Variants in TRPC6 observed in about 807,000 individuals in gnomAD.
The protein encoded by TRPC6 is transient receptor potential cation channel subfamily C member 6.
Under a neutral mutation model 90.7 loss-of-function variants are expected in TRPC6, and 55 were observed. That is an observed-to-expected ratio of 0.61 (90% CI 0.49 to 0.76). The LOEUF is 0.76. TRPC6 is among the 30% of genes least tolerant of loss of function. The pLI is 0.00. For missense variants in TRPC6, 989 were observed against 1,122.7 expected, an observed-to-expected ratio of 0.88 and a Z score of 1.70; for synonymous variants, 393 against 393.0, an observed-to-expected ratio of 1.00 and a Z score of 0.00.
intron 2 of TRPC6, among the ~76,000 whole-genome samples, chr11:101,502,144 A>T (rs570559564): frequency 6.6e-6 from 1 of 152,282 alleles, no homozygotes; most frequent in East Asian, 1.9e-4. Flanking sequence ...CAAACAGAAG[A>T]ATGTCCAGAT....
intron 1 of TRPC6, among the ~76,000 whole-genome samples, chr11:101,562,386 G>A (rs1230169435): frequency 6.6e-5 from 10 of 152,078 alleles, no homozygotes; most frequent in Non-Finnish European, 1.3e-4. Context: ...TCCTCAAAAA[G>A]CTTATGGCTT....
chr11:101,486,454 T>G (rs570196872), intron 4 of TRPC6, among the ~76,000 whole-genome samples: 17 of 152,304 alleles, frequency 1.1e-4, no homozygotes, highest in African/African-American at 3.8e-4. Context: ...TTTTAGGTAT[T>G]TATTGATGAC....
intron 1 of TRPC6, among the ~76,000 whole-genome samples, chr11:101,557,595 A>T (rs546250756): frequency 1.2e-3 from 178 of 149,082 alleles, no homozygotes; most frequent in African/African-American, 4.3e-3. Context: ...ATATAATTTT[A>T]CATACAGAAA....
chr11:101,484,933 G>A (rs1296912833), intron 4 of TRPC6, among the ~76,000 whole-genome samples: 1 of 151,816 alleles, frequency 6.6e-6, no homozygotes, highest in Non-Finnish European at 1.5e-5. Flanking sequence ...ATTAGATTAG[G>A]GTAATTAGCA....
intron 2 of TRPC6, among the ~76,000 whole-genome samples, chr11:101,492,414 T>C (rs1859849008): frequency 6.6e-6 from 1 of 151,998 alleles, no homozygotes; most frequent in Admixed American, 6.6e-5. Context: ...CAAAACCTTG[T>C]CTCTAAAAAA....
chr11:101,467,723 T>C (rs951035538), intron 10 of TRPC6, among the ~76,000 whole-genome samples: 1 of 152,310 alleles, frequency 6.6e-6, no homozygotes, highest in African/African-American at 2.4e-5. Flanking sequence ...GGGCCACATA[T>C]GGTCTCTCTC....
chr11:101,471,282 T>G lies in TRPC6; in HGVS notation c.2310A>C (p.Pro770=). 6.2e-7 allele frequency: 1 copy of G among 1,614,024 alleles called. No individual in the cohort carries two copies. Among genetic ancestry groups the G allele is most frequent in the Non-Finnish European group, 8.5e-7 (1 of 1,179,908 alleles). ...TCAGTAAGAGATAAAACAGGGACTT[T>G]GGACTCGGCACCAGATTGAAGGGTA... is the stretch of plus-strand genomic sequence containing the variant. ...LPVPFNLVPS[P]KSLFYLLLKL... Residue 770 remains proline, a synonymous_variant, in exon 9 of 13, where the codon CCA becomes CCC. Transcript: ENST00000344327.
chr11:101,581,691 T>G (rs185594430), intron 1 of TRPC6, among the ~76,000 whole-genome samples: 3 of 152,330 alleles, frequency 2.0e-5, no homozygotes, highest in Admixed American at 6.5e-5. Flanking sequence ...ATAGCAGCAT[T>G]TCAGAATATC....
At chr11:101,476,894 G>A (rs566411161) in intron 5 of TRPC6, among the ~76,000 whole-genome samples, 34 of 152,206 alleles carry the variant, frequency 2.2e-4, no homozygotes, top group African/African-American at 7.0e-4. Flanking sequence ...TGGGACTTCC[G>A]CAGATGGAGT....
chr11:101,460,479 T>A (rs916612447), intron 10 of TRPC6, among the ~76,000 whole-genome samples: 1 of 152,252 alleles, frequency 6.6e-6, no homozygotes, highest in Non-Finnish European at 1.5e-5. Context: ...TTTTGATGTT[T>A]TTATTTAATA....
chr11:101,519,716 A>T (rs12275715), intron 1 of TRPC6: 7,478 of 153,996 alleles, frequency 0.049, 316 homozygotes, highest in African/African-American at 0.1. Context: ...TGTATCTCAA[A>T]ATGTATCCAG....
chr11:101,497,264 T>G (rs1859971789), intron 2 of TRPC6, among the ~76,000 whole-genome samples: 1 of 152,242 alleles, frequency 6.6e-6, no homozygotes, highest in Admixed American at 6.5e-5. Flanking sequence ...GTACACTTTC[T>G]TCTTCCTCTT....
At chr11:101,563,581 T>C (rs1294731550) in intron 1 of TRPC6, among the ~76,000 whole-genome samples, 1 of 152,144 alleles carries the variant, frequency 6.6e-6, no homozygotes, top group Non-Finnish European at 1.5e-5. Flanking sequence ...AGTACAATAA[T>C]TACTGCCTAA....
chr11:101,474,144 C>T (rs540763925), intron 6 of TRPC6, among the ~76,000 whole-genome samples: 1 of 152,318 alleles, frequency 6.6e-6, no homozygotes, highest in African/African-American at 2.4e-5. Context: ...TCCCTTCTAA[C>T]TCTCTTGTCT....
At chr11:101,562,767 A>G (rs1861743411) in intron 1 of TRPC6, among the ~76,000 whole-genome samples, 1 of 152,120 alleles carries the variant, frequency 6.6e-6, no homozygotes, top group South Asian at 2.1e-4. Flanking sequence ...TAAGAATATA[A>G]ACTCTGGATC....
chr11:101,524,412 C>A (rs1860729560), intron 1 of TRPC6, among the ~76,000 whole-genome samples: 1 of 152,118 alleles, frequency 6.6e-6, no homozygotes, highest in Non-Finnish European at 1.5e-5. Flanking sequence ...CCATGCCCAG[C>A]TAATTTTTTG....
At chr11:101,542,179 AAGG>A (rs1861188305) in intron 1 of TRPC6, among the ~76,000 whole-genome samples, 2 of 152,192 alleles carry the variant, frequency 1.3e-5, no homozygotes, top group African/African-American at 4.8e-5. Flanking sequence ...TTGTAATTTC[AAGG>A]ATAGATGAGA....
intron 1 of TRPC6, among the ~76,000 whole-genome samples, chr11:101,518,908 G>A (rs1860583421): frequency 1.3e-5 from 2 of 152,208 alleles, no homozygotes; most frequent in Admixed American, 6.5e-5. Flanking sequence ...TGGAAGTGGA[G>A]ATCATTATGT....
In TRPC6 at chr11:101,510,211, A is replaced by C. The variant is rs1266721107; in HGVS notation, c.171-5413T>G. On this transcript the variant is annotated intron_variant, in intron 1 of 12. Coordinates refer to ENST00000344327, the MANE Select transcript of TRPC6 (RefSeq NM_004621.6). ...CTCCCTGCCTCTCCTATGCAAAAGC[A>C]AAATGTGTAAAACAACTTTTTAAGT... 2.0e-5 allele frequency among the ~76,000 whole-genome samples: 3 copies of C among 152,172 alleles called. No homozygotes were observed. The East Asian group carries it at 5.8e-4, about 29-fold the overall frequency.
Sources: allele counts gnomAD v4.1 joint callset (sites outside exome capture counted in the v4.1 genomes callset), GRCh38; gene constraint gnomAD v4.1.1; transcripts MANE v1.5; gene names NCBI Gene and HGNC (gene_info 2026-07-23, HGNC 2026-07-21).